Variants in MSI2 observed in about 807,000 individuals in gnomAD.
The protein encoded by MSI2 is musashi RNA binding protein 2, also known as RNA-binding protein Musashi homolog 2.
MSI2 carries 17 observed loss-of-function variants against 45.6 expected under a neutral mutation model. The observed-to-expected ratio is 0.37, with a 90% CI of 0.26 to 0.56. The LOEUF (loss-of-function observed/expected upper bound fraction) is 0.56. MSI2 is among the 20% of genes least tolerant of loss of function. The pLI is 0.77. For synonymous variants in MSI2, 156 were observed against 158.2 expected, an observed-to-expected ratio of 0.99 and a Z score of 0.11; for missense variants, 293 against 444.2, an observed-to-expected ratio of 0.66 and a Z score of 3.06.
At chr17:57,693,911 T>A in the MSI2 span, among the ~76,000 whole-genome samples, 1 of 152,248 alleles carries the variant, frequency 6.6e-6, no homozygotes, top group Non-Finnish European at 1.5e-5. Flanking sequence ...GTATGGCCTA[T>A]GAGTTAAGAA....
intron 5 of MSI2, among the ~76,000 whole-genome samples, chr17:57,387,342 T>C (rs530083939): frequency 6.6e-6 from 1 of 152,346 alleles, no homozygotes; most frequent in African/African-American, 2.4e-5. Context: ...CTCTTCTGTT[T>C]ATCCCTCTGG....
At chr17:57,538,110 A>G (rs1351089166) in intron 7 of MSI2, among the ~76,000 whole-genome samples, 2 of 151,952 alleles carry the variant, frequency 1.3e-5, no homozygotes, top group Non-Finnish European at 2.9e-5. Flanking sequence ...GACTCTCACA[A>G]CATGGTTTAA....
chr17:57,386,408 G>A (rs2083687139), intron 5 of MSI2, among the ~76,000 whole-genome samples: 1 of 152,260 alleles, frequency 6.6e-6, no homozygotes, highest in African/African-American at 2.4e-5. Context: ...CAAGTAGGGT[G>A]TCCAGGAACC....
intron 6 of MSI2, among the ~76,000 whole-genome samples, chr17:57,467,829 G>A (rs2085356156): frequency 6.6e-6 from 1 of 151,554 alleles, no homozygotes; most frequent in Admixed American, 6.6e-5. Flanking sequence ...TAAAAGCATA[G>A]GGTTGCACGT....
chr17:57,423,818 A>G (rs2084441017), intron 6 of MSI2, among the ~76,000 whole-genome samples: 1 of 152,068 alleles, frequency 6.6e-6, no homozygotes, highest in African/African-American at 2.4e-5. Context: ...CTGGAGCCAA[A>G]CCACCAAAAT....
chr17:57,446,235 A>G (rs1045874655), intron 6 of MSI2, among the ~76,000 whole-genome samples: 1 of 152,120 alleles, frequency 6.6e-6, no homozygotes, highest in African/African-American at 2.4e-5. Context: ...GGACAGGGAG[A>G]ACGCACAGCC....
chr17:57,618,028 G>A (rs940598635), intron 9 of MSI2: 2 of 151,830 alleles, frequency 1.3e-5, no homozygotes, highest in Non-Finnish European at 2.9e-5. Context: ...CCAAGATTGT[G>A]CCACTGCACT....
At chr17:57,536,600 G>A (rs2086925425) in intron 7 of MSI2, among the ~76,000 whole-genome samples, 1 of 152,188 alleles carries the variant, frequency 6.6e-6, no homozygotes, top group African/African-American at 2.4e-5. Flanking sequence ...ATGGTGTTAA[G>A]TATCCATCAA....
intron 7 of MSI2, among the ~76,000 whole-genome samples, chr17:57,586,849 TAAA>T (rs34823246): frequency 0.013 from 1,892 of 146,654 alleles, 36 homozygotes; most frequent in African/African-American, 0.044. Context: ...CCCATCTCCT[TAAA>T]AAAAAAAAAA....
At chr17:57,298,838 T>G (rs1470167717) in intron 5 of MSI2, among the ~76,000 whole-genome samples, 1 of 152,224 alleles carries the variant, frequency 6.6e-6, no homozygotes, top group Non-Finnish European at 1.5e-5. Context: ...AGCCTGTCCT[T>G]TAAAGCTTTG....
At chr17:57,520,729 C>T (rs975496206) in intron 6 of MSI2, among the ~76,000 whole-genome samples, 2 of 152,240 alleles carry the variant, frequency 1.3e-5, no homozygotes, top group Non-Finnish European at 2.9e-5. Flanking sequence ...TCTCAGCTCA[C>T]TGCAGCCTCC....
chr17:57,489,445 G>A (rs1218898081), intron 6 of MSI2, among the ~76,000 whole-genome samples: 1 of 152,220 alleles, frequency 6.6e-6, no homozygotes, highest in Non-Finnish European at 1.5e-5. Flanking sequence ...CAGGTCTGCA[G>A]GCAAGGAAGA....
intron 5 of MSI2, among the ~76,000 whole-genome samples, chr17:57,394,242 A>C (rs1354595411): frequency 6.6e-6 from 1 of 152,218 alleles, no homozygotes; most frequent in Non-Finnish European, 1.5e-5. Flanking sequence ...TAGCAAATGA[A>C]GGTGTTAGAG....
chr17:57,581,623 A>T (rs893722172), intron 7 of MSI2, among the ~76,000 whole-genome samples: 27 of 152,310 alleles, frequency 1.8e-4, no homozygotes, highest in African/African-American at 6.5e-4. Context: ...TCCCAGACAC[A>T]GTCTTAGAAC....
At chr17:57,593,449 G>A (rs989798698) in intron 7 of MSI2, among the ~76,000 whole-genome samples, 33 of 152,072 alleles carry the variant, frequency 2.2e-4, no homozygotes, top group Non-Finnish European at 4.4e-4. Flanking sequence ...CCTGGTTTGT[G>A]GCAGTACCAC....
At chr17:57,259,451 G>T (rs1029013671) in intron 4 of MSI2, among the ~76,000 whole-genome samples, 1 of 152,204 alleles carries the variant, frequency 6.6e-6, no homozygotes, top group Non-Finnish European at 1.5e-5. Context: ...ACATTGAATG[G>T]AAGAGAAGGA....
At chr17:57,282,375 C>G (rs1034888637) in intron 5 of MSI2, among the ~76,000 whole-genome samples, 1 of 152,194 alleles carries the variant, frequency 6.6e-6, no homozygotes, top group Admixed American at 6.5e-5. Flanking sequence ...TAGTCCTGCA[C>G]TGGGAGACAA....
intron 7 of MSI2, among the ~76,000 whole-genome samples, chr17:57,532,620 G>A (rs1258804680): frequency 6.6e-6 from 1 of 152,232 alleles, no homozygotes; most frequent in Non-Finnish European, 1.5e-5. Flanking sequence ...CTGATGGAGT[G>A]CACATTTGGA....
chr17:57,418,236 C>T (rs746160853), intron 6 of MSI2, among the ~76,000 whole-genome samples: 2 of 152,210 alleles, frequency 1.3e-5, no homozygotes, highest in Admixed American at 6.5e-5. Context: ...CTGTTATAGA[C>T]AGTCCTAGTC....
Sources: gnomAD v4.1 joint callset for allele counts (sites outside exome capture counted in the v4.1 genomes callset) on GRCh38, gnomAD v4.1.1 for gene constraint, MANE v1.5 for transcripts, NCBI Gene and HGNC (gene_info 2026-07-23, HGNC 2026-07-21) for gene names.